The following CENPX variants were observed in gnomAD, a reference collection of about 807,000 sequenced individuals.
The protein encoded by CENPX is centromere protein X.
A neutral mutation model predicts 13.2 loss-of-function variants in CENPX; 13 were observed. The ratio of observed to expected loss-of-function variants is 0.98; its 90% CI spans 0.64 to 1.56. The LOEUF (loss-of-function observed/expected upper bound fraction) is 1.56. Ranked by LOEUF, CENPX falls within the 40% of genes most tolerant of loss-of-function variation. The pLI is 0.00. For missense variants in CENPX, 138 were observed against 107.5 expected (o/e 1.28, Z -1.26); for synonymous variants, 66 against 47.2 (o/e 1.40, Z -1.63).
Position 82,019,217 on chromosome 17 carries a change from G to T in CENPX, c.234C>A (p.Leu78=). The change falls in exon 5 of 5, where the codon CTC becomes CTA. Residue 78 remains leucine (L), a splice_region_variant and synonymous_variant. Transcript: ENST00000392359. ...DQLEKVLPQL[L]LDF is the part of the protein sequence containing the mutation. ...ACGGCTGAGATCCCTAGAAGTCCAG[G>T]AGCTGTGGGGAAGAGAAGCACTTAG... 2 of 1,587,042 alleles carry T rather than the reference G, an allele frequency of 1.3e-6. No homozygotes were observed. Among genetic ancestry groups the T allele is most frequent in the Non-Finnish European group, 1.7e-6 (2 of 1,161,914 alleles).
chr17:82,018,849 G>A lies in CENPX; in HGVS notation c.*356C>T, dbSNP rs985201193. The A allele has an allele frequency of 9.9e-5, 34 of 343,474 alleles. No individual in the cohort carries two copies. The highest frequency in any genetic ancestry group is 5.3e-6 in the Non-Finnish European group (1 of 190,328). 21.3% of individuals were successfully genotyped at this position (343,474 alleles called of 1,614,324 possible). On this transcript the variant is annotated 3_prime_UTR_variant, in exon 5 of 5. Transcript: ENST00000392359. ...GTGGCAGGAATGTGGGCAGGAGGCA[G>A]CGCTGCCAGCTGCTGTTTGTCAAAC...
In CENPX at chr17:82,022,878, C is replaced by A. The variant is rs765814404; in HGVS notation, c.-17G>T. 1 of 1,584,404 alleles carries A rather than the reference C, an allele frequency of 6.3e-7. No homozygotes were observed. Among genetic ancestry groups the A allele is most frequent in the South Asian group, 1.1e-5 (1 of 87,808 alleles). Reference sequence around the variant, plus strand: ...TCCCTCCATGACCGCAGCCTCAACGCGCGCCCACCGGAACCCCGCCCCGCG... The same window carrying A: ...TCCCTCCATGACCGCAGCCTCAACGAGCGCCCACCGGAACCCCGCCCCGCG... On this transcript the variant is annotated 5_prime_UTR_variant, in exon 1 of 5. Transcript: ENST00000392359.
intron 1 of CENPX, among the ~76,000 whole-genome samples, chr17:82,021,874 T>G (rs1401280043): frequency 6.6e-6 from 1 of 152,032 alleles, no homozygotes; most frequent in Admixed American, 6.5e-5. Context: ...CCACCAGAGT[T>G]CCCCACACCG....
intron 1 of CENPX, among the ~76,000 whole-genome samples, chr17:82,021,903 G>A (rs1470565950): frequency 2.0e-5 from 3 of 151,896 alleles, no homozygotes; most frequent in African/African-American, 4.8e-5. Flanking sequence ...CGCCCCCCAC[G>A]CCTGCTGCCT....
Position 82,019,879 on chromosome 17 carries a change from A to G in CENPX, c.67T>C (p.Phe23Leu). ...GCACCTTTGGTCTTGTCATCCTTGA[A>G]GTGCAGGTGCAGCAGCCTGCTCACC... ...ELVSRLLHLH[F>L]KDDKTKVSGD... Residue 23 changes from phenylalanine to leucine, a missense_variant, in exon 2 of 5, where the codon TTC (phenylalanine) becomes CTC (leucine). Transcript: ENST00000392359. The G allele has an allele frequency of 6.2e-7, 1 of 1,600,020 alleles. No individual in the cohort carries two copies. Among genetic ancestry groups the G allele is most frequent in the Non-Finnish European group, 8.5e-7 (1 of 1,170,564 alleles).
rs1215211729 is a variant in CENPX at position 82,019,111 on chromosome 17, T to C, written c.*94A>G. On this transcript the variant is annotated 3_prime_UTR_variant, in exon 5 of 5. Coordinates refer to ENST00000392359, the MANE Select transcript of CENPX (RefSeq NM_001271006.2). The stretch of plus-strand genomic sequence containing the variant: ...ATCAACTCCAAATCCTTCAGGTCCT[T>C]CCCTGCCTCTTATCAGAGGCCGCTG... 1 of 1,465,716 alleles carries C rather than the reference T, an allele frequency of 6.8e-7. No homozygotes were observed. The highest frequency in any genetic ancestry group is 9.1e-7 in the Non-Finnish European group (1 of 1,103,060). The allele number at this position is 1,465,716 out of a possible 1,614,324, so 90.8% of individuals were successfully genotyped here.
At chr17:82,020,420 G>C (rs1189484608) in intron 1 of CENPX, among the ~76,000 whole-genome samples, 1 of 152,206 alleles carries the variant, frequency 6.6e-6, no homozygotes. Flanking sequence ...TGGGTGCTGG[G>C]TCAGCTCCGC....
chr17:82,019,986 CAGTGGCTGTGACT>C, intron 1 of CENPX, 77 bp from the exon 2 acceptor site: 1 of 1,371,658 alleles, frequency 7.3e-7, no homozygotes, highest in South Asian at 1.4e-5. Flanking sequence ...ATTCTGGTGA[CAGTGGCTGTGACT>C]TCTGGCTGGA....
In CENPX at chr17:82,019,192, A is replaced by ACGGC. The variant is rs780320536; in HGVS notation, c.*9_*12dup. 59 of 1,558,066 alleles carry ACGGC rather than the reference A, an allele frequency of 3.8e-5. No homozygotes were observed. The highest frequency in any genetic ancestry group is 4.5e-5 in the Non-Finnish European group (52 of 1,147,664). On this transcript the variant is annotated 3_prime_UTR_variant, in exon 5 of 5. Transcript: ENST00000392359. ...GGCTCCTCTGGGGGTGGCCTCAGCC[A>ACGGC]CGGCTGAGATCCCTAGAAGTCCAGG...
rs775717784 is a variant in CENPX at position 82,019,174 on chromosome 17, C to G, written c.*31G>C. 7.8e-6 allele frequency: 12 copies of G among 1,539,378 alleles called. No homozygotes were observed. Among genetic ancestry groups the G allele is most frequent in the Non-Finnish European group, 1.1e-5 (12 of 1,139,840 alleles). ...CTGCTTCTGTGGACCAGGGGCTCCT[C>G]TGGGGGTGGCCTCAGCCACGGCTGA... is the stretch of plus-strand genomic sequence containing the variant. On this transcript the variant is annotated 3_prime_UTR_variant, in exon 5 of 5. Transcript: ENST00000392359.
intron 2 of CENPX, 23 bp downstream of exon 2, chr17:82,019,835 C>T (rs1408748914): frequency 8.0e-7 from 1 of 1,244,118 alleles, no homozygotes; most frequent in East Asian, 2.5e-5. Flanking sequence ...GGACCCACCT[C>T]CCGCCCGCAC....
At position 82,019,200 on chromosome 17, in the gene CENPX, G is replaced by T; in HGVS notation, c.*5C>A. 1.3e-6 allele frequency: 2 copies of T among 1,572,970 alleles called. No individual in the cohort carries two copies. The highest frequency in any genetic ancestry group is 2.3e-5 in the East Asian group (1 of 44,050). Reference sequence around the variant, plus strand: ...TGGGGGTGGCCTCAGCCACGGCTGAGATCCCTAGAAGTCCAGGAGCTGTGG... The same window carrying T: ...TGGGGGTGGCCTCAGCCACGGCTGATATCCCTAGAAGTCCAGGAGCTGTGG... On this transcript the variant is annotated 3_prime_UTR_variant, in exon 5 of 5. Coordinates refer to ENST00000392359, the MANE Select transcript of CENPX (RefSeq NM_001271006.2).
intron 3 of CENPX, 121 bp from the exon 4 acceptor site, chr17:82,019,502 C>A: frequency 6.6e-7 from 1 of 1,519,542 alleles, no homozygotes; most frequent in Admixed American, 2.0e-5. Context: ...AGAACCAGGC[C>A]ACAGCACCTG....
At chr17:82,019,973 A>T in intron 1 of CENPX, 64 bp from the exon 2 acceptor site, 1 of 1,349,662 alleles carries the variant, frequency 7.4e-7, no homozygotes, top group Non-Finnish European at 9.8e-7. Flanking sequence ...CAGGGTGGTG[A>T]CCATTCTGGT....
chr17:82,019,114 C>T lies in CENPX; in HGVS notation c.*91G>A. ...AACTCCAAATCCTTCAGGTCCTTCC[C>T]TGCCTCTTATCAGAGGCCGCTGGAA... is the stretch of plus-strand genomic sequence containing the variant. On this transcript the variant is annotated 3_prime_UTR_variant, in exon 5 of 5. Coordinates refer to ENST00000392359, the MANE Select transcript of CENPX (RefSeq NM_001271006.2). 2 of 1,472,942 alleles carry T rather than the reference C, an allele frequency of 1.4e-6. No homozygotes were observed. The highest frequency in any genetic ancestry group is 1.8e-6 in the Non-Finnish European group (2 of 1,108,686). The allele number at this position is 1,472,942 out of a possible 1,614,324, so 91.2% of individuals were successfully genotyped here.
intron 2 of CENPX, 32 bp downstream of exon 2, chr17:82,019,826 G>A: frequency 6.3e-7 from 1 of 1,599,280 alleles, no homozygotes; most frequent in Middle Eastern, 1.7e-4. Context: ...CAGACACGGG[G>A]ACCCACCTCC....
intron 3 of CENPX, 85 bp downstream of exon 3, chr17:82,019,556 C>T (rs1199481741): frequency 1.9e-5 from 29 of 1,547,124 alleles, no homozygotes; most frequent in Middle Eastern, 1.7e-4. Context: ...TTGTGGGAAA[C>T]GGGAAAACAC....
At chr17:82,020,041 C>A (rs1196999616) in intron 1 of CENPX, 132 bp from the exon 2 acceptor site, 2 of 899,244 alleles carry the variant, frequency 2.2e-6, no homozygotes, top group Non-Finnish European at 3.3e-6. Context: ...TCTCCCAGGG[C>A]AGGGGACAAG....
chr17:82,022,825 C>T lies in CENPX; in HGVS notation c.36+1G>A. 1.3e-6 allele frequency: 2 copies of T among 1,589,396 alleles called. No homozygotes were observed. The highest frequency in any genetic ancestry group is 1.7e-6 in the Non-Finnish European group (2 of 1,170,658). ...CCTAGCCCCTGCCCTCCGGCCCTCACCTTCCGGAAGCCGGATCCAGCTCCT... is the reference window on the plus strand; with the variant it reads ...CCTAGCCCCTGCCCTCCGGCCCTCATCTTCCGGAAGCCGGATCCAGCTCCT... On this transcript the variant is annotated splice_donor_variant, in intron 1 of 4. Coordinates refer to ENST00000392359, the MANE Select transcript of CENPX (RefSeq NM_001271006.2). LOFTEE classifies it high-confidence loss of function.
Sources: allele counts gnomAD v4.1 joint callset (sites outside exome capture counted in the v4.1 genomes callset), GRCh38; gene constraint gnomAD v4.1.1; transcripts MANE v1.5; gene names NCBI Gene and HGNC (gene_info 2026-07-23, HGNC 2026-07-21).